Variants in ZNF398 observed in about 807,000 individuals in gnomAD.
The protein encoded by ZNF398 is zinc finger protein 398, also known as zinc finger DNA binding protein ZER6.
ZNF398 carries 18 observed loss-of-function variants against 41.9 expected under a neutral mutation model. That is an observed-to-expected ratio of 0.43 (90% CI 0.30 to 0.64). The LOEUF (loss-of-function observed/expected upper bound fraction) is 0.64, where lower values mean the gene tolerates loss of function less well. Ranked by LOEUF, ZNF398 falls within the 30% of genes least tolerant of loss-of-function variation. ZNF398 has a pLI of 0.14. For missense variants in ZNF398, 669 were observed against 822.8 expected (o/e 0.81, Z 2.29); for synonymous variants, 260 against 308.8 (o/e 0.84, Z 1.66).
At chr7:149,178,167 C>T (rs1795503468) in intron 5 of ZNF398, among the ~76,000 whole-genome samples, 1 of 151,976 alleles carries the variant, frequency 6.6e-6, no homozygotes, top group South Asian at 2.1e-4. Context: ...TGGCGGGTGC[C>T]TGTAGTCCCA....
At chr7:149,146,586 C>T (rs1402915426), upstream of ZNF398, among the ~76,000 whole-genome samples, 2 of 151,612 alleles carry the variant, frequency 1.3e-5, no homozygotes, top group East Asian at 2.0e-4. Flanking sequence ...CAATGGCTCA[C>T]GCTTGTAATC....
chr7:149,136,006 A>T (rs1167698024), intron 2 of ZNF398, among the ~76,000 whole-genome samples: 2 of 152,082 alleles, frequency 1.3e-5, no homozygotes, highest in African/African-American at 4.8e-5. Context: ...ATTAAGTCCA[A>T]TTTGTACTTT....
At chr7:149,173,093 A>ATTTTTT (rs71192762) in intron 4 of ZNF398, among the ~76,000 whole-genome samples, 9 of 64,958 alleles carry the variant, frequency 1.4e-4, no homozygotes, top group Non-Finnish European at 1.9e-4. Flanking sequence ...GGCAATTTCT[A>ATTTTTT]TTTTTTTTTT....
chr7:149,157,642 A>G (rs1203746687), intron 2 of ZNF398, among the ~76,000 whole-genome samples: 1 of 151,558 alleles, frequency 6.6e-6, no homozygotes, highest in Non-Finnish European at 1.5e-5. Flanking sequence ...GATCGAGACC[A>G]TTGTGGCCAA....
Position 149,165,290 on chromosome 7 carries a change from A to G in ZNF398, c.421-868A>G, listed in dbSNP as rs558901560. Among the ~76,000 whole-genome samples the G allele has an allele frequency of 2.0e-5, 3 of 152,364 alleles. No homozygotes were observed. In the East Asian group the frequency reaches 5.8e-4, roughly 29 times the overall value. The stretch of plus-strand genomic sequence containing the variant: ...GAAATCAAGCTGAGAAAGTCTAACT[A>G]GAAGTCAAAAAGACATTGGAAAAAG... On this transcript the variant is annotated intron_variant, in intron 2 of 5. Transcript: ENST00000475153.
At chr7:149,148,863 CTTTTTTTTT>C (rs59895177) in intron 1 of ZNF398, among the ~76,000 whole-genome samples, 29 of 63,286 alleles carry the variant, frequency 4.6e-4, no homozygotes, top group East Asian at 3.0e-3. Flanking sequence ...TTTTCTTTGT[CTTTTTTTTT>C]TTTTTTTTTT....
At position 149,141,752 on chromosome 7, in the gene ZNF398, C is replaced by A. The variant is rs1826831751; in HGVS notation, c.-489-12193C>A. Among the ~76,000 whole-genome samples the A allele has an allele frequency of 2.6e-5, 4 of 152,050 alleles. No individual in the cohort carries two copies. In the South Asian group the frequency reaches 6.2e-4, roughly 24 times the overall value. On this transcript the variant is annotated intron_variant, in intron 2 of 6. Transcript: ENST00000426851. ...TACAGGCATGAGCCACTGTGCCCGGCCTAATTTTTGTATTTTTGTAGAGAT... is the reference window on the plus strand; with the variant it reads ...TACAGGCATGAGCCACTGTGCCCGGACTAATTTTTGTATTTTTGTAGAGAT...
chr7:149,179,462 G>A lies in ZNF398; in HGVS notation c.1590G>A (p.Arg530=). 1 of 1,614,126 alleles carries A rather than the reference G, an allele frequency of 6.2e-7. No individual in the cohort carries two copies. The highest frequency in any genetic ancestry group is 1.1e-5 in the South Asian group (1 of 91,082). Residue 530 remains arginine (R), a synonymous_variant, in exon 6 of 6, where the codon CGG becomes CGA. Transcript: ENST00000475153. The surrounding 1 kb of genome is among the most constrained non-coding windows in gnomAD (Gnocchi z 6.1). Reference sequence around the variant, plus strand: ...GCAAGGAGCACCTGCTGAACCACCGGCGGCTGCACACAGGCGAGCGGCCCT... The same window carrying A: ...GCAAGGAGCACCTGCTGAACCACCGACGGCTGCACACAGGCGAGCGGCCCT... ...FMRKEHLLNH[R]RLHTGERPFS...
Position 149,179,832 on chromosome 7 carries a change from A to G in ZNF398, c.*31A>G. On this transcript the variant is annotated 3_prime_UTR_variant, in exon 6 of 6. Transcript: ENST00000475153. This position sits in a 1 kb window ranked among gnomAD's most constrained non-coding sequence, Gnocchi z 6.1. ...AATCTCTGTGGCTTCATGCTTGTAT[A>G]TGCTCACAGCAGGGCACAAAATCCA... The G allele has an allele frequency of 6.5e-6, 10 of 1,534,568 alleles. No individual in the cohort carries two copies. Among genetic ancestry groups the G allele is most frequent in the South Asian group, 1.3e-5 (1 of 78,488 alleles).
upstream of ZNF398, among the ~76,000 whole-genome samples, chr7:149,144,696 C>G (rs1826896693): frequency 6.6e-6 from 1 of 151,880 alleles, no homozygotes; most frequent in African/African-American, 2.4e-5. Flanking sequence ...TCAAGTGATT[C>G]TCCTACCTCA....
At chr7:149,127,973 A>G (rs78842348) in intron 1 of ZNF398, among the ~76,000 whole-genome samples, 5,517 of 152,246 alleles carry the variant, frequency 0.036, 326 homozygotes, top group African/African-American at 0.13. Flanking sequence ...TAGAAATGGT[A>G]TATAAATGGA....
intron 2 of ZNF398, among the ~76,000 whole-genome samples, chr7:149,164,984 C>T (rs1417679370): frequency 1.3e-5 from 2 of 151,564 alleles, no homozygotes; most frequent in Non-Finnish European, 2.9e-5. Flanking sequence ...ATCCTGGCTA[C>T]TTGGGAGGCT....
chr7:149,173,455 A>C (rs1313590487), intron 4 of ZNF398, among the ~76,000 whole-genome samples: 4 of 152,242 alleles, frequency 2.6e-5, no homozygotes, highest in South Asian at 4.2e-4. Context: ...TGTGTCACCC[A>C]GGCTGGAGTG....
chr7:149,135,427 A>G (rs1372037342), intron 2 of ZNF398, among the ~76,000 whole-genome samples: 1 of 149,172 alleles, frequency 6.7e-6, no homozygotes, highest in Non-Finnish European at 1.5e-5. Flanking sequence ...AAAGAAAAAA[A>G]GAAAGCTTTA....
At chr7:149,150,645 C>G (rs947403813) in intron 1 of ZNF398, among the ~76,000 whole-genome samples, 2 of 152,078 alleles carry the variant, frequency 1.3e-5, no homozygotes, top group Non-Finnish European at 2.9e-5. Flanking sequence ...CCTTACAGAC[C>G]TACTGAATAA....
In ZNF398 at chr7:149,172,446, C is replaced by T. The variant is rs1011111975; in HGVS notation, c.662-4022C>T. ...TGCAGTGCTTATGTTAAGTACCCCG[C>T]GCTCCCCCCCTTTTTAAAAATAAAT... On this transcript the variant is annotated intron_variant, in intron 4 of 5. Coordinates refer to ENST00000475153, the MANE Select transcript of ZNF398 (RefSeq NM_170686.3). Among the ~76,000 whole-genome samples the T allele has an allele frequency of 8.6e-5, 13 of 151,894 alleles. No homozygotes were observed. In the East Asian group the frequency reaches 9.6e-4, roughly 11 times the overall value.
At chr7:149,159,224 G>T (rs1457198784) in intron 2 of ZNF398, among the ~76,000 whole-genome samples, 1 of 151,864 alleles carries the variant, frequency 6.6e-6, no homozygotes, top group Admixed American at 6.6e-5. Context: ...TTACAGGTGT[G>T]AGCCACCGCG....
chr7:149,131,066 C>T (rs1331059716), intron 2 of ZNF398, among the ~76,000 whole-genome samples: 3 of 152,070 alleles, frequency 2.0e-5, no homozygotes, highest in Non-Finnish European at 4.4e-5. Flanking sequence ...TGGTTGCTTT[C>T]CTGAGAAAGG....
chr7:149,157,737 C>A (rs1306301803), intron 2 of ZNF398, among the ~76,000 whole-genome samples: 2 of 150,280 alleles, frequency 1.3e-5, no homozygotes, highest in Non-Finnish European at 2.9e-5. Context: ...ACTTGGGAGG[C>A]TGAGACAGGA....
Sources: gnomAD v4.1 joint callset for allele counts (sites outside exome capture counted in the v4.1 genomes callset) on GRCh38, gnomAD v4.1.1 for gene constraint, Gnocchi (gnomAD v3.1) non-coding constraint, MANE v1.5 for transcripts, NCBI Gene and HGNC (gene_info 2026-07-23, HGNC 2026-07-21) for gene names.